Variants in TMEM244 observed in about 807,000 individuals in gnomAD.
TMEM244 encodes the protein putative transmembrane protein 244.
TMEM244 carries 13 observed loss-of-function variants against 15.8 expected under a neutral mutation model. The ratio of observed to expected loss-of-function variants is 0.82; its 90% confidence interval spans 0.53 to 1.30. The LOEUF is 1.30. TMEM244 is among the 50% of genes most tolerant of loss of function. TMEM244 has a pLI of 0.00. For missense variants in TMEM244, 161 were observed against 144.9 expected (o/e 1.11, Z -0.57); for synonymous variants, 45 against 48.7 (o/e 0.92, Z 0.32).
intron 1 of TMEM244, among the ~76,000 whole-genome samples, chr6:129,848,883 A>G (rs1157027124): frequency 3.9e-5 from 6 of 152,214 alleles, no homozygotes. Flanking sequence ...AATCCAAAAT[A>G]AGATGAATAA....
chr6:129,861,223 C>T lies in TMEM244; in HGVS notation c.-35G>A, dbSNP rs764154286. The T allele has an allele frequency of 1.2e-6, 2 of 1,612,478 alleles. No homozygotes were observed. The highest frequency in any genetic ancestry group is 1.7e-6 in the Non-Finnish European group (2 of 1,178,870). ...CTACGTCAAGGAGGTGATGAAAGCC[C>T]CACTCCTTATAGCGATGACATCTGG... On this transcript the variant is annotated 5_prime_UTR_variant, in exon 1 of 5. Coordinates refer to ENST00000368143, the MANE Select transcript of TMEM244 (RefSeq NM_001010876.2).
At chr6:129,844,424 C>T (rs981281766) in intron 2 of TMEM244, among the ~76,000 whole-genome samples, 1 of 152,200 alleles carries the variant, frequency 6.6e-6, no homozygotes, top group African/African-American at 2.4e-5. Context: ...TAACCGTGCA[C>T]TTGGGCAAGT....
intron 3 of TMEM244, among the ~76,000 whole-genome samples, chr6:129,839,273 C>A (rs991343637): frequency 1.3e-5 from 2 of 152,188 alleles, no homozygotes; most frequent in African/African-American, 4.8e-5. Context: ...GCTGGTTCAA[C>A]ATATTCAAAT....
At chr6:129,855,351 C>T (rs910752256) in intron 1 of TMEM244, among the ~76,000 whole-genome samples, 10 of 152,064 alleles carry the variant, frequency 6.6e-5, no homozygotes, top group East Asian at 1.9e-4. Flanking sequence ...CTAAAGATGA[C>T]GGGGTATAGT....
At chr6:129,858,216 C>A (rs72993271) in intron 1 of TMEM244, among the ~76,000 whole-genome samples, 1 of 152,038 alleles carries the variant, frequency 6.6e-6, no homozygotes. Flanking sequence ...TAGGTGACAA[C>A]ATATTTCTTG....
Position 129,845,828 on chromosome 6 carries a change from A to G in TMEM244, c.58T>C (p.Cys20Arg), listed in dbSNP as rs1776554011. Residue 20 changes from cysteine to arginine, a missense_variant, in exon 2 of 5, where the codon TGT becomes CGT. Coordinates refer to ENST00000368143, the MANE Select transcript of TMEM244 (RefSeq NM_001010876.2). Reference protein sequence around the residue: ...SKVVLQKFLLCVILFYTVYYV... With the variant: ...SKVVLQKFLLRVILFYTVYYV... ...TACACAGTGTAGAAAAGAATGACAC[A>G]TAGAAGAAACTTCTGCAAAACAACC... The G allele has an allele frequency of 6.2e-7, 1 of 1,613,138 alleles. No homozygotes were observed. Among genetic ancestry groups the G allele is most frequent in the Non-Finnish European group, 8.5e-7 (1 of 1,179,714 alleles).
At chr6:129,845,619 A>C (rs1562198688) in intron 2 of TMEM244, 148 bp downstream of exon 2, 6 of 675,708 alleles carry the variant, frequency 8.9e-6, no homozygotes, top group Non-Finnish European at 1.5e-5. Context: ...TCTCTACCAA[A>C]AATAAAAAAT....
At chr6:129,839,363 C>A (rs1382892525) in intron 3 of TMEM244, among the ~76,000 whole-genome samples, 1 of 152,066 alleles carries the variant, frequency 6.6e-6, no homozygotes, top group Non-Finnish European at 1.5e-5. Context: ...AAAAGGCCTT[C>A]AACAAAATTC....
chr6:129,834,174 G>A (rs1371125180), intron 3 of TMEM244, among the ~76,000 whole-genome samples: 4 of 152,302 alleles, frequency 2.6e-5, no homozygotes, highest in African/African-American at 4.8e-5. Context: ...AAATCCACTG[G>A]TAGTGACAGA....
chr6:129,847,181 C>A (rs1054658723), intron 1 of TMEM244, among the ~76,000 whole-genome samples: 3 of 151,840 alleles, frequency 2.0e-5, no homozygotes, highest in African/African-American at 7.3e-5. Flanking sequence ...ACCTAAAGAG[C>A]CAATAAAAAT....
intron 1 of TMEM244, among the ~76,000 whole-genome samples, chr6:129,850,510 C>T (rs1267089730): frequency 6.6e-6 from 1 of 152,246 alleles, no homozygotes. Flanking sequence ...AATTTTCCAA[C>T]CCAATTTTAT....
chr6:129,848,797 A>G (rs937885314), intron 1 of TMEM244, among the ~76,000 whole-genome samples: 2 of 152,150 alleles, frequency 1.3e-5, no homozygotes, highest in Non-Finnish European at 1.5e-5. Flanking sequence ...CCTACCATGT[A>G]TTGAAATCAA....
intron 1 of TMEM244, among the ~76,000 whole-genome samples, chr6:129,859,663 C>T (rs1342592378): frequency 1.3e-5 from 2 of 152,172 alleles, no homozygotes; most frequent in Non-Finnish European, 2.9e-5. Context: ...AGTTCTTGTG[C>T]TATTTTCCCA....
chr6:129,832,207 C>T (rs1027648836), intron 4 of TMEM244, among the ~76,000 whole-genome samples: 7 of 151,426 alleles, frequency 4.6e-5, no homozygotes, highest in Non-Finnish European at 7.4e-5. Flanking sequence ...AAGCATTCTC[C>T]CTGCCTCAGC....
At chr6:129,841,882 C>G (rs1776496065) in intron 3 of TMEM244, among the ~76,000 whole-genome samples, 1 of 152,100 alleles carries the variant, frequency 6.6e-6, no homozygotes, top group Non-Finnish European at 1.5e-5. Context: ...TGAGGTTACT[C>G]TTATATTTTA....
chr6:129,848,515 C>T (rs1051013079), intron 1 of TMEM244, among the ~76,000 whole-genome samples: 6 of 152,088 alleles, frequency 3.9e-5, no homozygotes, highest in Non-Finnish European at 5.9e-5. Context: ...CAGGAAACTA[C>T]GTGTTCCACT....
chr6:129,833,712 C>A (rs1776362923), intron 3 of TMEM244, 127 bp from the exon 4 acceptor site: 1 of 865,432 alleles, frequency 1.2e-6, no homozygotes, highest in Non-Finnish European at 1.8e-6. Flanking sequence ...TTAAATGTTC[C>A]ATTTCCTAAC....
At position 129,861,202 on chromosome 6, in the gene TMEM244, G is replaced by A. The variant is rs774672484; in HGVS notation, c.-14C>T. 3.1e-6 allele frequency: 5 copies of A among 1,613,530 alleles called. No homozygotes were observed. In the South Asian group the frequency reaches 3.3e-5, roughly 11 times the overall value. ...CTGGAGAGCCATGTACACATCCTACGTCAAGGAGGTGATGAAAGCCCCACT... is the reference window on the plus strand; with the variant it reads ...CTGGAGAGCCATGTACACATCCTACATCAAGGAGGTGATGAAAGCCCCACT... On this transcript the variant is annotated 5_prime_UTR_variant, in exon 1 of 5. In the 5' UTR this introduces an upstream ATG that the reference lacks. Transcript: ENST00000368143.
chr6:129,855,981 A>G (rs1400305300), intron 1 of TMEM244, among the ~76,000 whole-genome samples: 1 of 152,084 alleles, frequency 6.6e-6, no homozygotes, highest in Non-Finnish European at 1.5e-5. Flanking sequence ...TGATGGTTTT[A>G]TTATTTATTT....
Sources: allele counts gnomAD v4.1 joint callset (sites outside exome capture counted in the v4.1 genomes callset), GRCh38; gene constraint gnomAD v4.1.1; transcripts MANE v1.5; gene names NCBI Gene and HGNC (gene_info 2026-07-23, HGNC 2026-07-21).